The following IQCM variants were observed in gnomAD, a reference collection of about 807,000 sequenced individuals.
IQCM encodes the protein IQ domain-containing protein M.
Under a neutral mutation model 57.6 loss-of-function variants are expected in IQCM, and 45 were observed. The ratio of observed to expected loss-of-function variants is 0.78; its 90% CI spans 0.62 to 1.00. The LOEUF is 1.00. Ranked by LOEUF, IQCM falls within the 50% of genes least tolerant of loss-of-function variation. The pLI, the probability that IQCM is intolerant of heterozygous loss-of-function variation, is 0.00. For missense variants in IQCM, 468 were observed against 511.6 expected (o/e 0.91, Z 0.82); for synonymous variants, 148 against 158.9 (o/e 0.93, Z 0.51).
chr4:149,509,655 G>A lies in IQCM; in HGVS notation c.1228+38800C>T, dbSNP rs146133212. 3.0e-4 allele frequency among the ~76,000 whole-genome samples: 46 copies of A among 152,138 alleles called. 1 individual carries two copies. In the East Asian group the frequency reaches 7.2e-3, roughly 24 times the overall value. On this transcript the variant is annotated intron_variant, in intron 12 of 13. Transcript: ENST00000636793. ...ATCTGAGAAAAGTCTGCTTATTAGT[G>A]GAGGAAAGCAAAAATTATTTAATTA...
chr4:149,725,732 C>A (rs568282747), intron 5 of IQCM, among the ~76,000 whole-genome samples: 4 of 152,074 alleles, frequency 2.6e-5, no homozygotes, highest in Admixed American at 2.6e-4. Flanking sequence ...TTCTAAGTGA[C>A]CCTCAGAACT....
intron 7 of IQCM, among the ~76,000 whole-genome samples, chr4:149,646,325 G>C (rs1362063079): frequency 6.6e-6 from 1 of 151,868 alleles, no homozygotes; most frequent in Non-Finnish European, 1.5e-5. Flanking sequence ...TCTGAAATAT[G>C]AGATTAGAGT....
At chr4:149,513,194 G>A (rs1277682740) in intron 12 of IQCM, among the ~76,000 whole-genome samples, 2 of 152,034 alleles carry the variant, frequency 1.3e-5, no homozygotes. Context: ...TTTAAAACTT[G>A]GAAAATATAC....
At chr4:149,665,231 C>T (rs1471414617) in intron 7 of IQCM, among the ~76,000 whole-genome samples, 1 of 152,104 alleles carries the variant, frequency 6.6e-6, no homozygotes, top group Non-Finnish European at 1.5e-5. Context: ...TGGGCCCCTA[C>T]CCCAAGACAA....
intron 5 of IQCM, among the ~76,000 whole-genome samples, chr4:149,699,101 A>G (rs183678951): frequency 3.3e-5 from 5 of 152,262 alleles, no homozygotes; most frequent in South Asian, 2.1e-4. Flanking sequence ...TATGAGTGCC[A>G]TAAGATAAAA....
intron 13 of IQCM, among the ~76,000 whole-genome samples, chr4:149,385,010 A>G (rs1474165995): frequency 2.0e-5 from 3 of 152,012 alleles, no homozygotes; most frequent in Non-Finnish European, 4.4e-5. Flanking sequence ...CCATTCCTCT[A>G]CTTGCTACAT....
rs140980265 is a variant in IQCM at position 149,539,387 on chromosome 4, G to C, written c.1228+9068C>G. ...GTCTAGTCGTTGTCTGGGGCTGGGGGTAAGAGTAGGGATTAGCTGCAAATG... is the reference window on the plus strand; with the variant it reads ...GTCTAGTCGTTGTCTGGGGCTGGGGCTAAGAGTAGGGATTAGCTGCAAATG... On this transcript the variant is annotated intron_variant, in intron 12 of 13. Transcript: ENST00000636793. 5.9e-3 allele frequency among the ~76,000 whole-genome samples: 901 copies of C among 152,226 alleles called. 6 individuals carry two copies. Among genetic ancestry groups the C allele is most frequent in the Admixed American group, 0.01 (153 of 15,288 alleles).
intron 2 of IQCM, among the ~76,000 whole-genome samples, chr4:149,804,574 G>A (rs949589662): frequency 6.6e-6 from 1 of 152,046 alleles, no homozygotes; most frequent in African/African-American, 2.4e-5. Flanking sequence ...AGACAGAAGT[G>A]TTGACTTCCA....
At chr4:149,451,466 C>T (rs1398512804) in intron 12 of IQCM, among the ~76,000 whole-genome samples, 2 of 151,632 alleles carry the variant, frequency 1.3e-5, no homozygotes, top group Non-Finnish European at 3.0e-5. Flanking sequence ...TATGCACCTA[C>T]TATTTGCCCA....
At chr4:149,421,838 T>TAA (rs1183046818) in intron 13 of IQCM, among the ~76,000 whole-genome samples, 1 of 152,062 alleles carries the variant, frequency 6.6e-6, no homozygotes, top group East Asian at 1.9e-4. Flanking sequence ...TAAAGACATT[T>TAA]AAAATGTTCT....
intron 12 of IQCM, among the ~76,000 whole-genome samples, chr4:149,515,234 T>A (rs951323326): frequency 3.3e-5 from 5 of 151,940 alleles, no homozygotes; most frequent in African/African-American, 1.2e-4. Flanking sequence ...TAGGCTTTGG[T>A]GGAAACCAAA....
intron 9 of IQCM, among the ~76,000 whole-genome samples, chr4:149,585,840 T>C (rs750563211): frequency 3.3e-5 from 5 of 151,660 alleles, no homozygotes; most frequent in Non-Finnish European, 7.4e-5. Flanking sequence ...ATCTTTTTTA[T>C]CCCAATTTTC....
At chr4:149,492,141 T>G (rs1308938334) in intron 12 of IQCM, among the ~76,000 whole-genome samples, 2 of 152,114 alleles carry the variant, frequency 1.3e-5, no homozygotes, top group African/African-American at 4.8e-5. Flanking sequence ...TCCTTATACA[T>G]TTTGGATATT....
chr4:149,611,883 GA>G (rs1755326066), intron 8 of IQCM, among the ~76,000 whole-genome samples: 1 of 151,948 alleles, frequency 6.6e-6, no homozygotes, highest in African/African-American at 2.4e-5. Flanking sequence ...CTTGAGATTT[GA>G]TAATTATATG....
intron 2 of IQCM, among the ~76,000 whole-genome samples, chr4:149,763,306 C>G (rs1505464): frequency 0.14 from 21,690 of 151,882 alleles, 1,598 homozygotes; most frequent in Middle Eastern, 0.18. Flanking sequence ...CAAGCAGATC[C>G]CAAATCCAGA....
At chr4:149,457,564 T>C (rs1485796895) in intron 12 of IQCM, among the ~76,000 whole-genome samples, 1 of 152,022 alleles carries the variant, frequency 6.6e-6, no homozygotes, top group Non-Finnish European at 1.5e-5. Flanking sequence ...TTAGGTTTTG[T>C]TTTTGTTTTT....
chr4:149,558,144 C>G (rs889424529), intron 10 of IQCM, among the ~76,000 whole-genome samples: 1 of 152,192 alleles, frequency 6.6e-6, no homozygotes, highest in Admixed American at 6.5e-5. Flanking sequence ...TCCCCTTGAA[C>G]ACCAACCAGT....
At chr4:149,369,512 A>G (rs1273127850) in intron 13 of IQCM, among the ~76,000 whole-genome samples, 4 of 152,130 alleles carry the variant, frequency 2.6e-5, no homozygotes, top group Non-Finnish European at 5.9e-5. Flanking sequence ...ATATTCCTTA[A>G]CCTTCATTTG....
intron 13 of IQCM, among the ~76,000 whole-genome samples, chr4:149,404,504 C>T (rs1732841514): frequency 6.6e-6 from 1 of 151,960 alleles, no homozygotes; most frequent in Admixed American, 6.6e-5. Context: ...CTTTGCAATA[C>T]ACAAGAGGTG....
Sources: allele counts gnomAD v4.1 joint callset (sites outside exome capture counted in the v4.1 genomes callset), GRCh38; gene constraint gnomAD v4.1.1; transcripts MANE v1.5; gene names NCBI Gene and HGNC (gene_info 2026-07-23, HGNC 2026-07-21).